The following SRPK2 variants were observed in gnomAD, a reference collection of about 807,000 sequenced individuals.
SRPK2 encodes SRSF protein kinase 2.
SRPK2 carries 21 observed loss-of-function variants against 90.8 expected under a neutral mutation model. The observed-to-expected ratio is 0.23, with a 90% CI of 0.16 to 0.33. The LOEUF is 0.33. Ranked by LOEUF, SRPK2 falls within the 10% of genes least tolerant of loss-of-function variation. The probability of loss-of-function intolerance (pLI) is 1.00; values close to 1 mark genes in which losing one functional copy is unlikely to be tolerated. For synonymous variants in SRPK2, 288 were observed against 311.1 expected (o/e 0.93, Z 0.78); for missense variants, 620 against 869.0 (o/e 0.71, Z 3.60).
intron 3 of SRPK2, among the ~76,000 whole-genome samples, chr7:105,190,974 G>C (rs1282399107): frequency 1.3e-5 from 2 of 152,066 alleles, no homozygotes; most frequent in African/African-American, 4.8e-5. Flanking sequence ...GGTATGATGT[G>C]ATGTTTTAAT....
chr7:105,207,168 G>A (rs1324170190), intron 2 of SRPK2, among the ~76,000 whole-genome samples: 4 of 152,148 alleles, frequency 2.6e-5, no homozygotes, highest in South Asian at 4.1e-4. Context: ...ACAGGGTCTC[G>A]CTCTGTTGCC....
At chr7:105,258,135 G>A (rs1803611535) in intron 2 of SRPK2, among the ~76,000 whole-genome samples, 1 of 150,694 alleles carries the variant, frequency 6.6e-6, no homozygotes, top group South Asian at 2.1e-4. Flanking sequence ...AGCATGATAT[G>A]AGGCCAGGTG....
upstream of SRPK2, among the ~76,000 whole-genome samples, chr7:105,392,037 A>C (rs572351047): frequency 6.6e-6 from 1 of 152,380 alleles, no homozygotes; most frequent in South Asian, 2.1e-4. Context: ...AGAATTTAGT[A>C]CTGACACATG....
At position 105,266,646 on chromosome 7, in the gene SRPK2, A is replaced by AT. The variant is rs554807600; in HGVS notation, c.72-62862dup. On this transcript the variant is annotated intron_variant, in intron 2 of 15. Coordinates refer to ENST00000393651, the MANE Select transcript of SRPK2 (RefSeq NM_182692.3). ...GCACCATGCCTCAAACCATTAACTT[A>AT]TTTTTTTTTTAAGTGAAAGCAAAAA... is the stretch of plus-strand genomic sequence containing the variant. Among the ~76,000 whole-genome samples the AT allele has an allele frequency of 3.6e-3, 541 of 150,278 alleles. 7 individuals are homozygous for AT. Among genetic ancestry groups the AT allele is most frequent in the African/African-American group, 0.011 (446 of 41,056 alleles).
At chr7:105,156,397 T>A (rs1045378512) in intron 7 of SRPK2, among the ~76,000 whole-genome samples, 5 of 152,238 alleles carry the variant, frequency 3.3e-5, no homozygotes, top group African/African-American at 9.6e-5. Context: ...GTACTCAAAT[T>A]ATACCTGGCA....
chr7:105,208,579 G>C (rs1796480158), intron 2 of SRPK2, among the ~76,000 whole-genome samples: 1 of 152,104 alleles, frequency 6.6e-6, no homozygotes, highest in Non-Finnish European at 1.5e-5. Flanking sequence ...CAAATGTCTA[G>C]AACAGATAAA....
At chr7:105,266,313 G>A (rs1805065021) in intron 2 of SRPK2, among the ~76,000 whole-genome samples, 1 of 152,076 alleles carries the variant, frequency 6.6e-6, no homozygotes, top group African/African-American at 2.4e-5. Flanking sequence ...GCTCTTGCAA[G>A]ACTAGCAATT....
chr7:105,145,972 C>T (rs1804563090), intron 8 of SRPK2, among the ~76,000 whole-genome samples: 1 of 152,148 alleles, frequency 6.6e-6, no homozygotes, highest in Non-Finnish European at 1.5e-5. Context: ...ACAGTCCACA[C>T]TTCACTGCAC....
At chr7:105,270,533 G>A (rs755819296) in intron 2 of SRPK2, among the ~76,000 whole-genome samples, 2 of 151,516 alleles carry the variant, frequency 1.3e-5, no homozygotes, top group African/African-American at 4.9e-5. Flanking sequence ...TCAGCCTCCC[G>A]GGTAGCTGGG....
chr7:105,279,628 T>A (rs926601707), intron 2 of SRPK2, among the ~76,000 whole-genome samples: 1 of 152,246 alleles, frequency 6.6e-6, no homozygotes, highest in African/African-American at 2.4e-5. Context: ...AGTGTTTCGG[T>A]ATAAAATTTG....
rs371024432 is a variant in SRPK2, at chr7:105,348,703, G to A, written c.71+39945C>T. Reference sequence around the variant, plus strand: ...CTCCCAAAGTGCTGGAATTACAGGCGTGAGCCACCATGCCCAGCTGCATTT... The same window carrying A: ...CTCCCAAAGTGCTGGAATTACAGGCATGAGCCACCATGCCCAGCTGCATTT... On this transcript the variant is annotated intron_variant, in intron 2 of 15. Transcript: ENST00000393651. Among the ~76,000 whole-genome samples, 143 of 151,492 alleles carry A rather than the reference G, an allele frequency of 9.4e-4. 2 individuals are homozygous for A. In the East Asian group the frequency reaches 0.021, roughly 22 times the overall value.
At chr7:105,197,685 A>G (rs1210975563) in intron 3 of SRPK2, among the ~76,000 whole-genome samples, 5 of 152,222 alleles carry the variant, frequency 3.3e-5, no homozygotes, top group Non-Finnish European at 7.3e-5. Context: ...AAATAAATGT[A>G]CAATTCCACA....
At chr7:105,220,194 A>G (rs1797927149) in intron 2 of SRPK2, among the ~76,000 whole-genome samples, 1 of 152,254 alleles carries the variant, frequency 6.6e-6, no homozygotes, top group South Asian at 2.1e-4. Context: ...CTTTATATAC[A>G]GAATAAGTAG....
intron 14 of SRPK2, 146 bp downstream of exon 14, chr7:105,126,847 C>T (rs775472934): frequency 5.3e-6 from 4 of 759,240 alleles, no homozygotes; most frequent in Admixed American, 2.5e-5. Context: ...ACTGAGGGGG[C>T]ATCAAACTCA....
At chr7:105,319,780 C>G (rs928560971) in intron 2 of SRPK2, among the ~76,000 whole-genome samples, 1 of 152,002 alleles carries the variant, frequency 6.6e-6, no homozygotes, top group Non-Finnish European at 1.5e-5. Context: ...AAACTGTGTT[C>G]AGCTAAGGCA....
At chr7:105,203,451 A>T (rs962368366) in intron 3 of SRPK2, among the ~76,000 whole-genome samples, 177 bp downstream of exon 3, 6 of 152,278 alleles carry the variant, frequency 3.9e-5, no homozygotes, top group South Asian at 4.1e-4. Flanking sequence ...ATATTTTCTG[A>T]TATCAGTCTC....
intron 2 of SRPK2, among the ~76,000 whole-genome samples, chr7:105,299,027 G>T (rs1460961304): frequency 6.6e-6 from 1 of 152,122 alleles, no homozygotes; most frequent in Non-Finnish European, 1.5e-5. Context: ...CCATCCATAT[G>T]CACTGAAACG....
Position 105,143,179 on chromosome 7 carries a change from G to A in SRPK2, c.965C>T (p.Pro322Leu). ...GTATTCGCCATCCTGGTCATTGGAAGGTGCAGCTGAGGTGATGTTTTCTTC... is the reference window on the plus strand; with the variant it reads ...GTATTCGCCATCCTGGTCATTGGAAAGTGCAGCTGAGGTGATGTTTTCTTC... Reference protein sequence around the residue: ...IIEENITSAAPSNDQDGEYCP... With the variant: ...IIEENITSAALSNDQDGEYCP... Residue 322 changes from proline (P) to leucine (L), a missense_variant, in exon 10 of 16, where the codon CCT becomes CTT. This residue lies in a region of SRPK2 where 243 missense variants were observed against 245.7 expected (regional missense o/e 0.99). Transcript: ENST00000393651. 2 of 1,614,214 alleles carry A rather than the reference G, an allele frequency of 1.2e-6. No homozygotes were observed. The highest frequency in any genetic ancestry group is 1.7e-6 in the Non-Finnish European group (2 of 1,180,032).
intron 2 of SRPK2, among the ~76,000 whole-genome samples, chr7:105,234,495 T>G (rs983946105): frequency 6.6e-6 from 1 of 152,146 alleles, no homozygotes; most frequent in African/African-American, 2.4e-5. Flanking sequence ...TACTGATGCT[T>G]ACTATGTGCC....
Sources: allele counts gnomAD v4.1 joint callset (sites outside exome capture counted in the v4.1 genomes callset), GRCh38; gene constraint gnomAD v4.1.1; regional missense constraint gnomAD v4.1.1; transcripts MANE v1.5; gene names NCBI Gene and HGNC (gene_info 2026-07-23, HGNC 2026-07-21).